PLEKHG1: variants seen among roughly 807,000 people sequenced by gnomAD.
The protein encoded by PLEKHG1 is pleckstrin homology and RhoGEF domain containing G1.
PLEKHG1 carries 44 observed loss-of-function variants against 100.8 expected under a neutral mutation model. That is an observed-to-expected ratio of 0.44 (90% CI 0.34 to 0.56). The LOEUF (loss-of-function observed/expected upper bound fraction) is 0.56, where lower values mean the gene tolerates loss of function less well. Ranked by LOEUF, PLEKHG1 falls within the 20% of genes least tolerant of loss-of-function variation. PLEKHG1 has a pLI of 0.01. For missense variants in PLEKHG1, 1,545 were observed against 1,720.9 expected (o/e 0.90, Z 1.81); for synonymous variants, 640 against 662.5 (o/e 0.97, Z 0.52).
At chr6:150,810,556 A>AAAGAAAAGG (rs1787463580) in intron 10 of PLEKHG1, among the ~76,000 whole-genome samples, 1 of 141,282 alleles carries the variant, frequency 7.1e-6, no homozygotes, top group African/African-American at 2.6e-5. Flanking sequence ...GGAAGGAAAG[A>AAAGAAAAGG]AAGAAAGAAA....
chr6:150,742,489 T>G (rs1782922100), intron 2 of PLEKHG1, among the ~76,000 whole-genome samples: 1 of 131,874 alleles, frequency 7.6e-6, no homozygotes, highest in Admixed American at 9.4e-5. Flanking sequence ...CAGTTGAACC[T>G]GGGAGGCAGA....
chr6:150,805,940 C>T (rs1787060972), intron 7 of PLEKHG1, among the ~76,000 whole-genome samples: 1 of 152,174 alleles, frequency 6.6e-6, no homozygotes. Context: ...AGTGATCATG[C>T]CCTGGGCACC....
At chr6:150,797,858 A>T (rs1172812778) in intron 5 of PLEKHG1, among the ~76,000 whole-genome samples, 1 of 147,304 alleles carries the variant, frequency 6.8e-6, no homozygotes, top group Non-Finnish European at 1.5e-5. Context: ...AAAAAAAAAA[A>T]AAAAAAAAAA....
At chr6:150,705,813 C>A (rs1337574050) in intron 3 of PLEKHG1, among the ~76,000 whole-genome samples, 1 of 152,166 alleles carries the variant, frequency 6.6e-6, no homozygotes, top group Non-Finnish European at 1.5e-5. Context: ...CTCTTGGAGG[C>A]CTCGGTGTGT....
At chr6:150,704,823 T>C (rs1185661076) in intron 3 of PLEKHG1, among the ~76,000 whole-genome samples, 3 of 152,236 alleles carry the variant, frequency 2.0e-5, no homozygotes, top group Admixed American at 6.5e-5. Context: ...GCTAGTGGGG[T>C]TGGTGTCCAG....
At chr6:150,722,999 T>C (rs1347056601) in intron 1 of PLEKHG1, among the ~76,000 whole-genome samples, 3 of 152,196 alleles carry the variant, frequency 2.0e-5, no homozygotes, top group Non-Finnish European at 4.4e-5. Context: ...AACTCGGTGA[T>C]ACACAGTTTT....
chr6:150,660,102 G>T (rs1456708650), intron 3 of PLEKHG1, among the ~76,000 whole-genome samples: 1 of 150,630 alleles, frequency 6.6e-6, no homozygotes, highest in Non-Finnish European at 1.5e-5. Context: ...TAGAGACAGG[G>T]TTTCACCATA....
At chr6:150,674,054 G>T (rs1179056118) in intron 3 of PLEKHG1, among the ~76,000 whole-genome samples, 1 of 152,074 alleles carries the variant, frequency 6.6e-6, no homozygotes, top group Non-Finnish European at 1.5e-5. Flanking sequence ...GTGTAGACAT[G>T]AGGAATTTAT....
intron 14 of PLEKHG1, among the ~76,000 whole-genome samples, chr6:150,828,572 T>C (rs1413271728): frequency 1.3e-5 from 2 of 151,970 alleles, no homozygotes; most frequent in Non-Finnish European, 2.9e-5. Context: ...TTTTTTAAAT[T>C]ATAGTATTTC....
chr6:150,813,998 A>G (rs577685079), intron 10 of PLEKHG1, among the ~76,000 whole-genome samples: 1 of 152,316 alleles, frequency 6.6e-6, no homozygotes, highest in African/African-American at 2.4e-5. Flanking sequence ...TGTTCTCTGT[A>G]TATTTTGACA....
intron 3 of PLEKHG1, among the ~76,000 whole-genome samples, chr6:150,769,225 AAAATT>A (rs1784591564): frequency 6.6e-6 from 1 of 152,216 alleles, no homozygotes; most frequent in African/African-American, 2.4e-5. Context: ...ACTGGGCTAG[AAAATT>A]AAAATAGTAA....
intron 1 of PLEKHG1, among the ~76,000 whole-genome samples, chr6:150,731,962 C>CTTTTT (rs34542836): frequency 7.4e-6 from 1 of 134,410 alleles, no homozygotes; most frequent in East Asian, 2.1e-4. Context: ...TATTAAGTGA[C>CTTTTT]TTTTTTTTTT....
At chr6:150,647,155 T>C (rs560486290) in intron 2 of PLEKHG1, among the ~76,000 whole-genome samples, 24 of 152,372 alleles carry the variant, frequency 1.6e-4, no homozygotes, top group African/African-American at 5.8e-4. Flanking sequence ...AGAAGTATTA[T>C]CAGACATGAC....
At chr6:150,625,241 G>C (rs752663114) in intron 1 of PLEKHG1, among the ~76,000 whole-genome samples, 1 of 152,258 alleles carries the variant, frequency 6.6e-6, no homozygotes, top group East Asian at 1.9e-4. Context: ...TGCCTGGGTG[G>C]CTTCAATGAC....
At chr6:150,825,825 C>A (rs1035256940) in intron 14 of PLEKHG1, among the ~76,000 whole-genome samples, 5 of 152,160 alleles carry the variant, frequency 3.3e-5, no homozygotes, top group African/African-American at 1.2e-4. Context: ...TTAAATGCAA[C>A]ATGTTCTTAA....
At chr6:150,761,321 G>A (rs562507312) in intron 2 of PLEKHG1, among the ~76,000 whole-genome samples, 4 of 150,334 alleles carry the variant, frequency 2.7e-5, no homozygotes, top group African/African-American at 9.8e-5. Flanking sequence ...AGCCAGGATG[G>A]TCTCGATTAC....
intron 3 of PLEKHG1, among the ~76,000 whole-genome samples, chr6:150,686,460 G>A (rs183653276): frequency 2.0e-5 from 3 of 152,256 alleles, no homozygotes; most frequent in African/African-American, 4.8e-5. Flanking sequence ...AGGTATGCAG[G>A]TACATGCCCC....
At chr6:150,702,337 G>A (rs536215291) in intron 3 of PLEKHG1, among the ~76,000 whole-genome samples, 4 of 152,260 alleles carry the variant, frequency 2.6e-5, no homozygotes, top group African/African-American at 9.6e-5. Context: ...GGGTGTGGTA[G>A]CACATGCCTG....
chr6:150,718,087 AT>A (rs1365542757), upstream of PLEKHG1, among the ~76,000 whole-genome samples: 1 of 152,186 alleles, frequency 6.6e-6, no homozygotes, highest in Non-Finnish European at 1.5e-5. Flanking sequence ...AAAAAAATAA[AT>A]TAATTAGATA....
Sources: allele counts gnomAD v4.1 joint callset (sites outside exome capture counted in the v4.1 genomes callset), GRCh38; gene constraint gnomAD v4.1.1; transcripts MANE v1.5; gene names NCBI Gene and HGNC (gene_info 2026-07-23, HGNC 2026-07-21).